ADGRL4: variants seen among roughly 807,000 people sequenced by gnomAD.
The protein encoded by ADGRL4 is adhesion G protein-coupled receptor L4, also known as EGF, latrophilin and seven transmembrane domain containing 1.
Under a neutral mutation model 74.8 loss-of-function variants are expected in ADGRL4, and 90 were observed. The observed-to-expected ratio is 1.20, with a 90% CI of 1.02 to 1.43. The LOEUF (loss-of-function observed/expected upper bound fraction) is 1.43, where lower values mean the gene tolerates loss of function less well. Ranked by LOEUF, ADGRL4 falls within the 40% of genes most tolerant of loss-of-function variation. ADGRL4 has a pLI of 0.00. For synonymous variants in ADGRL4, 311 were observed against 279.2 expected (o/e 1.11, Z -1.14); for missense variants, 881 against 814.3 (o/e 1.08, Z -1.00).
chr1:78,915,701 T>C lies in ADGRL4; in HGVS notation c.1749+1933A>G, dbSNP rs1001609444. Among the ~76,000 whole-genome samples the C allele has an allele frequency of 2.0e-5, 3 of 151,820 alleles. No homozygotes were observed. In the South Asian group the frequency reaches 6.2e-4, roughly 31 times the overall value. ...ACTGTTGGTGGTTCTTTTTTAAATG[T>C]TTGGTGTTCAATATCTCTTTGACTT... On this transcript the variant is annotated intron_variant, in intron 12 of 14. Transcript: ENST00000370742.
intron 2 of ADGRL4, among the ~76,000 whole-genome samples, chr1:78,973,207 G>GT (rs1650206670): frequency 6.6e-6 from 1 of 151,788 alleles, no homozygotes; most frequent in African/African-American, 2.4e-5. Flanking sequence ...TCAAATTTGT[G>GT]TGTTTTTTTA....
intron 2 of ADGRL4, among the ~76,000 whole-genome samples, chr1:78,957,850 AGAG>A (rs570195575): frequency 2.7e-4 from 41 of 152,328 alleles, no homozygotes; most frequent in Non-Finnish European, 1.8e-4. Context: ...TCATAGCTAG[AGAG>A]GAGAAGTCAA....
intron 3 of ADGRL4, among the ~76,000 whole-genome samples, chr1:78,945,181 T>A (rs866172565): frequency 1.3e-3 from 159 of 124,662 alleles, no homozygotes; most frequent in African/African-American, 3.0e-3. Context: ...AAAAAAAATA[T>A]ATATATATAT....
chr1:78,973,916 G>A (rs1052235605), intron 2 of ADGRL4, among the ~76,000 whole-genome samples: 3 of 151,856 alleles, frequency 2.0e-5, no homozygotes, highest in African/African-American at 7.3e-5. Flanking sequence ...TAAATCCTTT[G>A]GTAGTTATGG....
At chr1:78,949,442 T>A (rs1649678350) in intron 2 of ADGRL4, among the ~76,000 whole-genome samples, 1 of 152,194 alleles carries the variant, frequency 6.6e-6, no homozygotes. Flanking sequence ...CCCTATCTTC[T>A]GGGCTGGATA....
intron 1 of ADGRL4, among the ~76,000 whole-genome samples, chr1:79,005,470 T>C (rs1385046192): frequency 2.0e-5 from 3 of 152,180 alleles, no homozygotes; most frequent in East Asian, 3.9e-4. Flanking sequence ...AACTAAAATG[T>C]AATAAACAAC....
intron 2 of ADGRL4, among the ~76,000 whole-genome samples, chr1:78,983,134 G>A (rs140109193): frequency 3.6e-4 from 54 of 151,804 alleles, no homozygotes; most frequent in Non-Finnish European, 6.9e-4. Flanking sequence ...GAGAACAAAC[G>A]AATATTCTTC....
At chr1:78,945,177 A>AAAAAAAAAAAAAATAT (rs376405445) in intron 3 of ADGRL4, among the ~76,000 whole-genome samples, 2 of 127,922 alleles carry the variant, frequency 1.6e-5, no homozygotes, top group African/African-American at 2.9e-5. Flanking sequence ...AAAAAAAAAA[A>AAAAAAAAAAAAAATAT]ATATATATAT....
At chr1:78,903,043 G>T (rs1303022135) in intron 12 of ADGRL4, among the ~76,000 whole-genome samples, 1 of 152,062 alleles carries the variant, frequency 6.6e-6, no homozygotes, top group Non-Finnish European at 1.5e-5. Flanking sequence ...AATTCCAGCT[G>T]ATATTTTCCC....
intron 12 of ADGRL4, among the ~76,000 whole-genome samples, chr1:78,914,827 G>A (rs556431767): frequency 5.3e-5 from 8 of 151,838 alleles, no homozygotes; most frequent in East Asian, 3.9e-4. Flanking sequence ...ACAACTCTGC[G>A]CTTGGAGGGT....
rs184725636 is a variant in ADGRL4, at chr1:78,895,783, T to A, written c.1750-2594A>T. On this transcript the variant is annotated intron_variant, in intron 12 of 14. Transcript: ENST00000370742. ...GACAGGGACAATTATCACTTAGATT[T>A]TATTTGAAGTGCAAAGGTTTATTTG... 2.5e-4 allele frequency among the ~76,000 whole-genome samples: 38 copies of A among 152,112 alleles called. No individual in the cohort carries two copies. In the East Asian group the frequency reaches 7.0e-3, roughly 28 times the overall value.
intron 2 of ADGRL4, among the ~76,000 whole-genome samples, chr1:78,996,511 A>G (rs986842432): frequency 6.6e-5 from 10 of 152,202 alleles, no homozygotes; most frequent in African/African-American, 2.4e-4. Flanking sequence ...TCCATAGAAG[A>G]TAAGTGGTCT....
Position 78,967,261 on chromosome 1 carries a change from T to C in ADGRL4, c.173-20835A>G, listed in dbSNP as rs114928621. Among the ~76,000 whole-genome samples, 683 of 152,332 alleles carry C rather than the reference T, an allele frequency of 4.5e-3. 6 individuals are homozygous for C. The highest frequency in any genetic ancestry group is 0.015 in the South Asian group (71 of 4,830). On this transcript the variant is annotated intron_variant, in intron 2 of 14. Coordinates refer to ENST00000370742, the MANE Select transcript of ADGRL4 (RefSeq NM_022159.4). ...TGCTAAATGTTTTGAGGCTATAAAC[T>C]GCTTTGGGGTTTTGAGAACTATCTG...
At chr1:78,902,628 T>C (rs1208836739) in intron 12 of ADGRL4, among the ~76,000 whole-genome samples, 1 of 152,200 alleles carries the variant, frequency 6.6e-6, no homozygotes, top group Non-Finnish European at 1.5e-5. Context: ...ACATCTACAA[T>C]TTTAAGAATT....
chr1:78,912,902 A>G (rs1648793451), intron 12 of ADGRL4, among the ~76,000 whole-genome samples: 1 of 151,980 alleles, frequency 6.6e-6, no homozygotes, highest in Non-Finnish European at 1.5e-5. Flanking sequence ...CAAAAGTCTA[A>G]TTCCAGAACT....
At chr1:78,930,857 T>C (rs553147225) in intron 7 of ADGRL4, among the ~76,000 whole-genome samples, 18 of 151,510 alleles carry the variant, frequency 1.2e-4, no homozygotes, top group African/African-American at 3.2e-4. Flanking sequence ...ACATCATCCA[T>C]ATAAGAAGGA....
chr1:78,935,609 A>G (rs1458383666), intron 7 of ADGRL4, among the ~76,000 whole-genome samples: 1 of 152,188 alleles, frequency 6.6e-6, no homozygotes, highest in Non-Finnish European at 1.5e-5. Context: ...CTCATGATGA[A>G]GAATATGATG....
chr1:78,893,018 C>T, intron 13 of ADGRL4, 80 bp downstream of exon 13: 1 of 776,780 alleles, frequency 1.3e-6, no homozygotes, highest in Non-Finnish European at 2.0e-6. Context: ...AATAATTCCC[C>T]AAATTATTTG....
At chr1:78,914,616 A>G (rs1205540616) in intron 12 of ADGRL4, among the ~76,000 whole-genome samples, 1 of 144,630 alleles carries the variant, frequency 6.9e-6, no homozygotes, top group Non-Finnish European at 1.5e-5. Flanking sequence ...TGAAGTAGAG[A>G]TTTTTTTTGG....
Sources: allele counts gnomAD v4.1 joint callset (sites outside exome capture counted in the v4.1 genomes callset), GRCh38; gene constraint gnomAD v4.1.1; transcripts MANE v1.5; gene names NCBI Gene and HGNC (gene_info 2026-07-23, HGNC 2026-07-21).